Variants in PRKG1 observed in about 807,000 individuals in gnomAD.
PRKG1 encodes the protein cGMP-dependent protein kinase 1.
In PRKG1, 35 loss-of-function variants were observed where a neutral mutation model predicts 88.1. The observed-to-expected ratio is 0.40, with a 90% CI of 0.30 to 0.53. The LOEUF (loss-of-function observed/expected upper bound fraction) is 0.53. PRKG1 is among the 20% of genes least tolerant of loss of function. The pLI is 0.59. For synonymous variants in PRKG1, 303 were observed against 292.5 expected (o/e 1.04, Z -0.37); for missense variants, 540 against 839.8 (o/e 0.64, Z 4.41).
intron 1 of PRKG1, among the ~76,000 whole-genome samples, chr10:51,012,953 G>A (rs890099100): frequency 6.6e-6 from 1 of 152,208 alleles, no homozygotes; most frequent in Non-Finnish European, 1.5e-5. Context: ...GGAAGAATAT[G>A]TGGAAAGGAT....
intron 4 of PRKG1, among the ~76,000 whole-genome samples, chr10:51,906,468 ATAT>A (rs1842088973): frequency 6.6e-6 from 1 of 152,158 alleles, no homozygotes; most frequent in Non-Finnish European, 1.5e-5. Context: ...CATATAAGGT[ATAT>A]ATTGGTTTGG....
At chr10:51,487,796 A>T (rs1840591767) in intron 3 of PRKG1, among the ~76,000 whole-genome samples, 1 of 152,210 alleles carries the variant, frequency 6.6e-6, no homozygotes, top group African/African-American at 2.4e-5. Context: ...AAAGTACTGC[A>T]ATTGGAAACA....
chr10:51,870,593 A>C (rs1336898150), intron 4 of PRKG1, among the ~76,000 whole-genome samples: 1 of 152,004 alleles, frequency 6.6e-6, no homozygotes, highest in Non-Finnish European at 1.5e-5. Flanking sequence ...GCCTTTGTCT[A>C]TAGCAGTGAC....
chr10:51,709,417 C>T (rs537270486), intron 3 of PRKG1, among the ~76,000 whole-genome samples: 5 of 152,174 alleles, frequency 3.3e-5, no homozygotes, highest in Non-Finnish European at 5.9e-5. Context: ...GCTGAAATAG[C>T]TGTGTATACG....
intron 2 of PRKG1, among the ~76,000 whole-genome samples, chr10:51,191,256 C>T (rs1345442355): frequency 6.6e-6 from 1 of 151,802 alleles, no homozygotes; most frequent in Admixed American, 6.6e-5. Flanking sequence ...GTATTGTTCT[C>T]TGAGAAATAG....
chr10:51,999,716 G>C (rs1844544674), intron 5 of PRKG1, among the ~76,000 whole-genome samples: 1 of 151,836 alleles, frequency 6.6e-6, no homozygotes. Flanking sequence ...ACTTTTTTGA[G>C]AGGATCTTTG....
chr10:51,677,798 T>G (rs1840748331), intron 3 of PRKG1, among the ~76,000 whole-genome samples: 1 of 152,188 alleles, frequency 6.6e-6, no homozygotes, highest in Non-Finnish European at 1.5e-5. Flanking sequence ...TCAAGGTTTT[T>G]GTGTATGTTA....
intron 2 of PRKG1, among the ~76,000 whole-genome samples, chr10:51,189,633 T>C (rs1837581302): frequency 6.6e-6 from 1 of 151,932 alleles, no homozygotes; most frequent in East Asian, 1.9e-4. Context: ...CAAATATTTA[T>C]TGAATGCCTA....
At chr10:51,281,270 C>T (rs978632124) in intron 2 of PRKG1, among the ~76,000 whole-genome samples, 2 of 152,170 alleles carry the variant, frequency 1.3e-5, no homozygotes, top group Non-Finnish European at 2.9e-5. Flanking sequence ...CAGTCTGCCC[C>T]TACTGGGGGG....
At chr10:51,983,282 C>A (rs1350083873) in intron 5 of PRKG1, among the ~76,000 whole-genome samples, 1 of 152,098 alleles carries the variant, frequency 6.6e-6, no homozygotes, top group Non-Finnish European at 1.5e-5. Context: ...ACCCTCCAGG[C>A]CCCTAATCCC....
At chr10:51,442,518 A>C (rs190629655) in intron 2 of PRKG1, among the ~76,000 whole-genome samples, 1 of 152,002 alleles carries the variant, frequency 6.6e-6, no homozygotes, top group East Asian at 1.9e-4. Flanking sequence ...AATGTGACTG[A>C]ATTTATCAAT....
Position 51,061,984 on chromosome 10 carries a change from G to A in PRKG1, c.266+70340G>A, listed in dbSNP as rs187642295. ...CTGTTTTCCCAGTTTTAGGTTATGG[G>A]GTGTTGCCTTGTTGTACCTAATTGT... On this transcript the variant is annotated intron_variant, in intron 1 of 17. Coordinates refer to the PRKG1 transcript ENST00000401604. Among the ~76,000 whole-genome samples the A allele has an allele frequency of 3.5e-3, 540 of 152,224 alleles. 3 individuals carry two copies. The highest frequency in any genetic ancestry group is 0.012 in the African/African-American group (517 of 41,536).
chr10:51,627,200 G>A (rs1839360837), intron 3 of PRKG1, among the ~76,000 whole-genome samples: 2 of 152,112 alleles, frequency 1.3e-5, no homozygotes, highest in African/African-American at 4.8e-5. Context: ...AGAAAGAAAT[G>A]CTTATGCCAA....
chr10:51,161,487 T>A (rs573107800), intron 2 of PRKG1, among the ~76,000 whole-genome samples: 1 of 152,326 alleles, frequency 6.6e-6, no homozygotes, highest in South Asian at 2.1e-4. Context: ...AAGGTATTAC[T>A]GGTGGAAATG....
At chr10:51,609,364 A>T (rs1437933273) in intron 3 of PRKG1, among the ~76,000 whole-genome samples, 2 of 152,164 alleles carry the variant, frequency 1.3e-5, no homozygotes, top group Admixed American at 6.6e-5. Context: ...TTTTTTAAAT[A>T]TTGTTAAAAA....
chr10:51,843,131 T>C (rs1325112319), intron 4 of PRKG1, among the ~76,000 whole-genome samples: 3 of 144,916 alleles, frequency 2.1e-5, no homozygotes, highest in Non-Finnish European at 4.6e-5. Context: ...CGGAGTCTTC[T>C]GTTTCACCAG....
chr10:52,013,541 G>A (rs1406269576), intron 5 of PRKG1, among the ~76,000 whole-genome samples: 1 of 152,172 alleles, frequency 6.6e-6, no homozygotes, highest in Non-Finnish European at 1.5e-5. Context: ...TCTTCTAGTT[G>A]AGTATTAGGG....
intron 4 of PRKG1, among the ~76,000 whole-genome samples, chr10:51,821,293 T>C (rs1053222535): frequency 1.3e-5 from 2 of 152,144 alleles, no homozygotes; most frequent in African/African-American, 4.8e-5. Context: ...CTAGTATAAA[T>C]AAAGCTGCTG....
At chr10:52,123,254 G>A (rs942841610) in intron 7 of PRKG1, among the ~76,000 whole-genome samples, 11 of 152,080 alleles carry the variant, frequency 7.2e-5, no homozygotes, top group African/African-American at 2.7e-4. Context: ...GTTCTCCCGT[G>A]GATATAGATC....
Sources: allele counts gnomAD v4.1 joint callset (sites outside exome capture counted in the v4.1 genomes callset), GRCh38; gene constraint gnomAD v4.1.1; transcripts MANE v1.5; gene names NCBI Gene and HGNC (gene_info 2026-07-23, HGNC 2026-07-21).